SLC10A4: variants seen among roughly 807,000 people sequenced by gnomAD.
SLC10A4 encodes solute carrier family 10 member 4, also known as putative sodium/bile acid cotransporter 4.
In SLC10A4, 17 loss-of-function variants were observed where a neutral mutation model predicts 22.5. That is an observed-to-expected ratio of 0.76 (90% CI 0.52 to 1.14). The LOEUF (loss-of-function observed/expected upper bound fraction) is 1.14, where lower values mean the gene tolerates loss of function less well. Ranked by LOEUF, SLC10A4 falls within the 50% of genes most tolerant of loss-of-function variation. SLC10A4 has a pLI of 0.00. For synonymous variants in SLC10A4, 257 were observed against 258.2 expected (o/e 1.00, Z 0.04); for missense variants, 548 against 584.0 (o/e 0.94, Z 0.64).
At position 48,483,844 on chromosome 4, in the gene SLC10A4, C is replaced by A. The variant is rs1718227232; in HGVS notation, c.283C>A (p.Pro95Thr). The change falls in exon 1 of 3, where the codon CCG (proline) becomes ACG (threonine). Residue 95 changes from proline to threonine, a missense_variant. Pro to Thr is a conservative substitution (Grantham distance 38, BLOSUM62 -1). Coordinates refer to ENST00000273861, the MANE Select transcript of SLC10A4 (RefSeq NM_152679.4). This position sits in a 1 kb window ranked among gnomAD's most constrained non-coding sequence, Gnocchi z 5.4. ...TCGGCCCTGGGCGCCCCACGCGCTC[C>A]CGTTCTGGGACACGCCGCTGAACCA... ...FPRPWAPHAL[P>T]FWDTPLNHGL... is the part of the protein sequence containing the mutation. 3 of 1,538,382 alleles carry A rather than the reference C, an allele frequency of 2.0e-6. No individual in the cohort carries two copies. Among genetic ancestry groups the A allele is most frequent in the Non-Finnish European group, 2.6e-6 (3 of 1,144,784 alleles).
At position 48,483,664 on chromosome 4, in the gene SLC10A4, GC is replaced by G. The variant is rs1560479781; in HGVS notation, c.106del (p.Leu36SerfsTer66). Reference protein sequence around the residue: ...ASSLGPGTDLALAPASSAGPG... With the variant: ...ASSLGPGTDLXLAPASSAGPG... Reference sequence around the variant, plus strand: ...CAGCCTGGGCCCCGGCACGGACCTCGCCCTCGCCCCTGCCTCCAGCGCCGGC... The same window carrying G: ...CAGCCTGGGCCCCGGCACGGACCTCGCCTCGCCCCTGCCTCCAGCGCCGGC... On this transcript the variant is annotated frameshift_variant, in exon 1 of 3. Coordinates refer to ENST00000273861, the MANE Select transcript of SLC10A4 (RefSeq NM_152679.4). LOFTEE classifies it high-confidence loss of function. This position sits in a 1 kb window ranked among gnomAD's most constrained non-coding sequence, Gnocchi z 5.4. 4.7e-6 allele frequency: 7 copies of G among 1,484,158 alleles called. No homozygotes were observed. The highest frequency in any genetic ancestry group is 1.5e-5 in the African/African-American group (1 of 68,358). The allele number at this position is 1,484,158 out of a possible 1,614,324, so 91.9% of individuals were successfully genotyped here.
rs1479983078 is a variant in SLC10A4, at chr4:48,483,944, A to G, written c.383A>G (p.His128Arg). 1 of 1,543,584 alleles carries G rather than the reference A, an allele frequency of 6.5e-7. No individual in the cohort carries two copies. The highest frequency in any genetic ancestry group is 8.7e-7 in the Non-Finnish European group (1 of 1,145,540). ...CTGGGCTGCACGGTGGACGTGAACC[A>G]CTTCGGGGCGCACGTCCGTCGGCCC... is the stretch of plus-strand genomic sequence containing the variant. ...LGLGCTVDVN[H>R]FGAHVRRPVG... is the part of the protein sequence containing the mutation. The change falls in exon 1 of 3, where the codon CAC (histidine) becomes CGC (arginine). Residue 128 changes from histidine (H) to arginine (R), a missense_variant. His to Arg is a conservative substitution (Grantham distance 29, BLOSUM62 0). Transcript: ENST00000273861. This position sits in a 1 kb window ranked among gnomAD's most constrained non-coding sequence, Gnocchi z 5.4.
chr4:48,483,825 C>G lies in SLC10A4; in HGVS notation c.264C>G (p.Pro88=). The change falls in exon 1 of 3, where the codon CCC becomes CCG. Residue 88 remains proline (P), a synonymous_variant. Transcript: ENST00000273861. This position sits in a 1 kb window ranked among gnomAD's most constrained non-coding sequence, Gnocchi z 5.4. ...ASHGPSPFPR[P]WAPHALPFWD... is the part of the protein sequence containing the mutation. ...ACGGCCCTTCCCCGTTCCCTCGGCC[C>G]TGGGCGCCCCACGCGCTCCCGTTCT... 1 of 1,533,128 alleles carries G rather than the reference C, an allele frequency of 6.5e-7. No homozygotes were observed. The highest frequency in any genetic ancestry group is 8.7e-7 in the Non-Finnish European group (1 of 1,143,598). 95.0% of individuals were successfully genotyped at this position (1,533,128 alleles called of 1,614,324 possible).
At chr4:48,488,312 A>G (rs773213716) in intron 2 of SLC10A4, 115 bp from the exon 3 acceptor site, 22 of 932,244 alleles carry the variant, frequency 2.4e-5, no homozygotes, top group Non-Finnish European at 3.4e-5. Flanking sequence ...ATATTCTGTC[A>G]AAGGTCTCCA....
rs542945051 is a variant in SLC10A4 at position 48,484,841 on chromosome 4, C to G, written c.591-91C>G. The stretch of plus-strand genomic sequence containing the variant: ...TCAACCCCGGGACTTGCAGTCTCCC[C>G]GTTCCACCTCTACTCAACATACAAG... On this transcript the variant is annotated intron_variant, in intron 1 of 2. Transcript: ENST00000273861. 3.3e-4 allele frequency: 411 copies of G among 1,242,182 alleles called. 2 individuals carry two copies. The highest frequency in any genetic ancestry group is 4.0e-4 in the East Asian group (17 of 42,922). 76.9% of individuals were successfully genotyped at this position (1,242,182 alleles called of 1,614,324 possible). A position where few individuals can be genotyped will look rare whatever the true frequency, so the allele number is the denominator to read the frequency against.
intron 2 of SLC10A4, among the ~76,000 whole-genome samples, chr4:48,486,559 C>T (rs2148672268): frequency 6.6e-6 from 1 of 150,494 alleles, no homozygotes; most frequent in Admixed American, 6.6e-5. Context: ...ATAAGATTAG[C>T]TACCTTTGAA....
At chr4:48,486,098 A>C (rs1359407258) in intron 2 of SLC10A4, among the ~76,000 whole-genome samples, 2 of 152,220 alleles carry the variant, frequency 1.3e-5, no homozygotes, top group Non-Finnish European at 2.9e-5. Context: ...ATGAAGAGAA[A>C]AAGAGCCACC....
At chr4:48,487,912 C>A (rs1440974376) in intron 2 of SLC10A4, among the ~76,000 whole-genome samples, 1 of 139,962 alleles carries the variant, frequency 7.1e-6, no homozygotes, top group Non-Finnish European at 1.5e-5. Flanking sequence ...TCAAGCAATT[C>A]TCTGCCTCAG....
rs35831946 is a variant in SLC10A4, at chr4:48,487,788, C to CTTTTT, written c.802-612_802-608dup. ...TTGAAGGCTATTTTTTTTTGAAGAG[C>CTTTTT]TTTTTTTTTTTTTTTTTTTTTTTTT... On this transcript the variant is annotated intron_variant, in intron 2 of 2. Coordinates refer to ENST00000273861, the MANE Select transcript of SLC10A4 (RefSeq NM_152679.4). 1.4e-3 allele frequency among the ~76,000 whole-genome samples: 55 copies of CTTTTT among 39,800 alleles called. 11 individuals carry two copies. The highest frequency in any genetic ancestry group is 2.0e-3 in the African/African-American group (15 of 7,418). 26.1% of individuals were successfully genotyped at this position (39,800 alleles called of 152,430 possible).
Position 48,485,151 on chromosome 4 carries a change from C to T in SLC10A4, c.801+9C>T, listed in dbSNP as rs1428120249. On this transcript the variant is annotated intron_variant, in intron 2 of 2. Coordinates refer to ENST00000273861, the MANE Select transcript of SLC10A4 (RefSeq NM_152679.4). The stretch of plus-strand genomic sequence containing the variant: ...CTGACTACATTGTGAAGGTAAGGCC[C>T]CCTCTTCCCTTTCCATACTAGCTTG... 1.2e-6 allele frequency: 2 copies of T among 1,613,034 alleles called. No individual in the cohort carries two copies. The highest frequency in any genetic ancestry group is 1.7e-6 in the Non-Finnish European group (2 of 1,179,078).
At chr4:48,487,986 TAG>T (rs1335606668) in intron 2 of SLC10A4, among the ~76,000 whole-genome samples, 1 of 151,600 alleles carries the variant, frequency 6.6e-6, no homozygotes, top group African/African-American at 2.4e-5. Context: ...GTATTTTTAG[TAG>T]AGACAGTGTT....
intron 2 of SLC10A4, among the ~76,000 whole-genome samples, chr4:48,487,333 TTC>T (rs1718299470): frequency 6.6e-6 from 1 of 152,238 alleles, no homozygotes; most frequent in African/African-American, 2.4e-5. Context: ...ATTTACATTT[TTC>T]TCTCTTACAT....
In SLC10A4 at chr4:48,484,979, C is replaced by G; in HGVS notation, c.638C>G (p.Pro213Arg). The stretch of plus-strand genomic sequence containing the variant: ...ACGCTTCTGGCCCTCGTCTTGATGC[C>G]CCTGTGCCTGTGGATCTACAGCTGG... ...SSTLLALVLM[P>R]LCLWIYSWAW... The change falls in exon 2 of 3, where the codon CCC (proline) becomes CGC (arginine). Residue 213 changes from proline to arginine, a missense_variant. By Grantham distance (103) the Pro-to-Arg change is moderately radical. This residue lies in a region of SLC10A4 where 314 missense variants were observed against 353.2 expected (regional missense o/e 0.89). Transcript: ENST00000273861. 6.2e-7 allele frequency: 1 copy of G among 1,614,118 alleles called. No individual in the cohort carries two copies. The highest frequency in any genetic ancestry group is 8.5e-7 in the Non-Finnish European group (1 of 1,180,018).
At chr4:48,486,244 T>C (rs1342729354) in intron 2 of SLC10A4, among the ~76,000 whole-genome samples, 3 of 152,042 alleles carry the variant, frequency 2.0e-5, no homozygotes, top group Non-Finnish European at 4.4e-5. Context: ...ATATCCAGGC[T>C]TGAGTAAAAG....
In SLC10A4 at chr4:48,489,263, G is replaced by A. The variant is rs1194229286; in HGVS notation, c.*324G>A. 8.3e-5 allele frequency: 17 copies of A among 203,952 alleles called. No homozygotes were observed. Among genetic ancestry groups the A allele is most frequent in the South Asian group, 1.5e-4 (1 of 6,790 alleles). The allele number at this position is 203,952 out of a possible 1,614,324, so 12.6% of individuals were successfully genotyped here. On this transcript the variant is annotated 3_prime_UTR_variant, in exon 3 of 3. Coordinates refer to ENST00000273861, the MANE Select transcript of SLC10A4 (RefSeq NM_152679.4). ...GGTCTTGGAAATGTAGAATTTTGGC[G>A]CACTATGAGGAAAAACAAGCTATCT...
chr4:48,484,727 T>C (rs768300883), intron 1 of SLC10A4, among the ~76,000 whole-genome samples: 2 of 152,072 alleles, frequency 1.3e-5, no homozygotes, highest in Non-Finnish European at 2.9e-5. Flanking sequence ...GGGGCTTGTT[T>C]TTCCTCCCTG....
chr4:48,484,926 C>T lies in SLC10A4; in HGVS notation c.591-6C>T. On this transcript the variant is annotated splice_region_variant and splice_polypyrimidine_tract_variant and intron_variant, in intron 1 of 2. Transcript: ENST00000273861. ...TTCTGATTTCTGCACATTCCCTTTT[C>T]TGCAGCATCATCATGACCATCTCCT... 3 of 1,610,550 alleles carry T rather than the reference C, an allele frequency of 1.9e-6. No homozygotes were observed. Among genetic ancestry groups the T allele is most frequent in the Admixed American group, 1.7e-5 (1 of 59,882 alleles).
Position 48,483,974 on chromosome 4 carries a change from G to T in SLC10A4, c.413G>T (p.Gly138Val), listed in dbSNP as rs1718230923. 7 of 1,554,714 alleles carry T rather than the reference G, an allele frequency of 4.5e-6. No homozygotes were observed. The highest frequency in any genetic ancestry group is 6.1e-6 in the Non-Finnish European group (7 of 1,152,290). ...GGGGCGCACGTCCGTCGGCCCGTGGGCGCGCTGCTGGCAGCGCTCTGCCAG... is the reference window on the plus strand; with the variant it reads ...GGGGCGCACGTCCGTCGGCCCGTGGTCGCGCTGCTGGCAGCGCTCTGCCAG... ...HFGAHVRRPV[G>V]ALLAALCQFG... Residue 138 changes from glycine (G) to valine (V), a missense_variant, in exon 1 of 3, where the codon GGC becomes GTC. This residue lies in a region of SLC10A4 where 314 missense variants were observed against 353.2 expected (regional missense o/e 0.89). Coordinates refer to ENST00000273861, the MANE Select transcript of SLC10A4 (RefSeq NM_152679.4). The surrounding 1 kb of genome is among the most constrained non-coding windows in gnomAD (Gnocchi z 5.4).
chr4:48,483,571 A>G lies in SLC10A4; in HGVS notation c.10A>G (p.Asn4Asp). ...CAGCTCCGGCCGCGCCATGGACGGCAACGACAACGTGACCCTGCTCTTCGC... is the reference window on the plus strand; with the variant it reads ...CAGCTCCGGCCGCGCCATGGACGGCGACGACAACGTGACCCTGCTCTTCGC... MDG[N>D]DNVTLLFAPL... Residue 4 changes from asparagine (N) to aspartate (D), a missense_variant, in exon 1 of 3, where the codon AAC becomes GAC. By Grantham distance (23) the Asn-to-Asp change is conservative (BLOSUM62 1). This residue lies in a region of SLC10A4 where 225 missense variants were observed against 206.9 expected (regional missense o/e 1.09). Transcript: ENST00000273861. This position sits in a 1 kb window ranked among gnomAD's most constrained non-coding sequence, Gnocchi z 5.4. 6.6e-7 allele frequency: 1 copy of G among 1,504,672 alleles called. No homozygotes were observed. 93.2% of individuals were successfully genotyped at this position (1,504,672 alleles called of 1,614,324 possible).
Sources: allele counts gnomAD v4.1 joint callset (sites outside exome capture counted in the v4.1 genomes callset), GRCh38; gene constraint gnomAD v4.1.1; regional missense constraint gnomAD v4.1.1; non-coding constraint Gnocchi (gnomAD v3.1); transcripts MANE v1.5; gene names NCBI Gene and HGNC (gene_info 2026-07-23, HGNC 2026-07-21).